Variants in NCOR2 observed in about 807,000 individuals in gnomAD.
NCOR2 encodes the protein CTG repeat protein 26.
NCOR2 carries 81 observed loss-of-function variants against 262.9 expected under a neutral mutation model. That is an observed-to-expected ratio of 0.31 (90% CI 0.26 to 0.37). The LOEUF (loss-of-function observed/expected upper bound fraction) is 0.37. Among genes scored for constraint, NCOR2 ranks in the 10% least tolerant of loss-of-function variants. NCOR2 has a pLI of 1.00. For synonymous variants in NCOR2, 1,659 were observed against 1,559.3 expected (o/e 1.06, Z -1.51); for missense variants, 3,385 against 3,621.4 (o/e 0.93, Z 1.68).
At chr12:124,373,664 CAT>C (rs2039727403) in intron 19 of NCOR2, among the ~76,000 whole-genome samples, 1 of 111,282 alleles carries the variant, frequency 9.0e-6, no homozygotes, top group Non-Finnish European at 1.8e-5. Context: ...AGTGGACAAT[CAT>C]GAGGCCAGTG....
At chr12:124,495,584 C>T (rs547834780), upstream of NCOR2, among the ~76,000 whole-genome samples, 230 of 152,250 alleles carry the variant, frequency 1.5e-3, no homozygotes, top group Non-Finnish European at 2.9e-3. The surrounding 1 kb of genome is among the most constrained non-coding windows in gnomAD (Gnocchi z 4.4). Context: ...ATGCAAGCCA[C>T]GCAAGGGACC....
chr12:124,445,463 TGCGGCAGGA>T (rs1166941936), intron 7 of NCOR2, among the ~76,000 whole-genome samples: 1 of 152,172 alleles, frequency 6.6e-6, no homozygotes, highest in African/African-American at 2.4e-5. Context: ...AAATCGTCTG[TGCGGCAGGA>T]AGTCAAGCGT....
In NCOR2 at chr12:124,362,431, G is replaced by A. The variant is rs1235889826; in HGVS notation, c.2929-134C>T. On this transcript the variant is annotated intron_variant, in intron 21 of 46. Transcript: ENST00000405201. The stretch of plus-strand genomic sequence containing the variant: ...GCGACATGCTCAAGGTCCCAGGTGC[G>A]GCAAGAAAGGGAGGTCTTAGCACAG... 6 of 767,664 alleles carry A rather than the reference G, an allele frequency of 7.8e-6. No homozygotes were observed. The East Asian group carries it at 8.4e-5, about 11-fold the overall frequency. The allele number at this position is 767,664 out of a possible 1,614,324, so 47.6% of individuals were successfully genotyped here. A position where few individuals can be genotyped will look rare whatever the true frequency, so the allele number is the denominator to read the frequency against.
chr12:124,331,117 C>T (rs923001936), intron 43 of NCOR2, among the ~76,000 whole-genome samples: 1 of 148,792 alleles, frequency 6.7e-6, no homozygotes, highest in South Asian at 2.1e-4. Flanking sequence ...GGCTGGAGTG[C>T]AGTTGTGCAA....
chr12:124,500,023 G>T (rs1345627707), upstream of NCOR2, among the ~76,000 whole-genome samples: 19 of 152,272 alleles, frequency 1.2e-4, no homozygotes, highest in Admixed American at 1.1e-3. Context: ...CCCGCTGCGA[G>T]GACCCTGTGC....
At chr12:124,366,054 C>G (rs2135988448) in intron 20 of NCOR2, among the ~76,000 whole-genome samples, 1 of 152,282 alleles carries the variant, frequency 6.6e-6, no homozygotes, top group Non-Finnish European at 1.5e-5. Context: ...TCGGTGAGCC[C>G]TCATTGCCCT....
intron 23 of NCOR2, among the ~76,000 whole-genome samples, chr12:124,356,321 T>G (rs2037951384): frequency 6.6e-6 from 1 of 152,238 alleles, no homozygotes; most frequent in African/African-American, 2.4e-5. Context: ...GTAGCGCCTC[T>G]GCTCCCTCCC....
Position 124,378,330 on chromosome 12 carries a change from C to T in NCOR2, c.2074G>A (p.Glu692Lys), listed in dbSNP as rs750121527. The change falls in exon 18 of 47, where the codon GAG becomes AAG. Residue 692 changes from glutamate (E) to lysine (K), a missense_variant. By Grantham distance (56) the Glu-to-Lys change is moderately conservative. Coordinates refer to ENST00000405201, the Ensembl canonical transcript of NCOR2. This position sits in a 1 kb window ranked among gnomAD's most constrained non-coding sequence, Gnocchi z 4.2. ...ACCACGGGCGGGAATGCAGCCTCCT[C>T]GCTGGCCGCCGCCGGCGCTTTCTTC... 9 of 1,613,842 alleles carry T rather than the reference C, an allele frequency of 5.6e-6. No homozygotes were observed. The highest frequency in any genetic ancestry group is 4.0e-5 in the African/African-American group (3 of 74,934).
rs755221894 is a variant in NCOR2, at chr12:124,340,367, G to C, written c.5415C>G (p.Asp1805Glu). 10 of 1,613,016 alleles carry C rather than the reference G, an allele frequency of 6.2e-6. No homozygotes were observed. In the South Asian group the frequency reaches 1.1e-4, roughly 18 times the overall value. The change falls in exon 36 of 47, where the codon GAC becomes GAG. Residue 1805 changes from aspartate (D) to glutamate (E), a missense_variant. Asp to Glu is a conservative substitution (Grantham distance 45). Coordinates refer to ENST00000405201, the Ensembl canonical transcript of NCOR2. ...TGGACTTTTCCCGCTCCCGATCCCG[G>C]TCCCGCTCTCGATCCCGGTCTCGCT... is the stretch of plus-strand genomic sequence containing the variant.
intron 16 of NCOR2, among the ~76,000 whole-genome samples, chr12:124,394,675 C>A (rs749529752): frequency 6.6e-6 from 1 of 152,186 alleles, no homozygotes; most frequent in Non-Finnish European, 1.5e-5. Context: ...TGCAGGCAGG[C>A]GCCAGGGGCT....
chr12:124,521,881 G>A (rs1182617186), intron 1 of NCOR2, among the ~76,000 whole-genome samples: 1 of 152,178 alleles, frequency 6.6e-6, no homozygotes, highest in Non-Finnish European at 1.5e-5. Flanking sequence ...AGTCAGGTGT[G>A]GTGGCGCATA....
In NCOR2 at chr12:124,440,995, G is replaced by C. The variant is rs2136439254; in HGVS notation, c.816-2999C>G. Reference sequence around the variant, plus strand: ...GGAGGGGCAGAGAGGACGGAGGAGGGGCTGTGAGCAAGACTGGCAGGGCCA... The same window carrying C: ...GGAGGGGCAGAGAGGACGGAGGAGGCGCTGTGAGCAAGACTGGCAGGGCCA... On this transcript the variant is annotated intron_variant, in intron 7 of 46. Transcript: ENST00000405201. This position sits in a 1 kb window ranked among gnomAD's most constrained non-coding sequence, Gnocchi z 5.7. Among the ~76,000 whole-genome samples the C allele has an allele frequency of 6.6e-6, 1 of 152,266 alleles. No homozygotes were observed. Among genetic ancestry groups the C allele is most frequent in the South Asian group, 2.1e-4 (1 of 4,824 alleles).
At chr12:124,362,150 G>C (rs2038641750) in exon 22 of NCOR2, 1 of 1,303,518 alleles carries the variant, frequency 7.7e-7, no homozygotes, top group Non-Finnish European at 9.7e-7. Context: ...GGGGGTGCCG[G>C]GCTCCTGCTC....
chr12:124,485,640 C>A (rs1229971884), intron 2 of NCOR2, among the ~76,000 whole-genome samples: 2 of 152,212 alleles, frequency 1.3e-5, no homozygotes, highest in African/African-American at 2.4e-5. Flanking sequence ...CAGACGCCTG[C>A]GCCCACCTGA....
rs377312434 is a variant in NCOR2, at chr12:124,440,418, C to G, written c.816-2422G>C. 6.6e-6 allele frequency among the ~76,000 whole-genome samples: 1 copy of G among 152,152 alleles called. No homozygotes were observed. The highest frequency in any genetic ancestry group is 1.5e-5 in the Non-Finnish European group (1 of 68,016). ...GCCTCCCCACCTTCCATCAGTCTGG[C>G]CGCCGCCCCCCGGCCAGGGTGGGCC... is the stretch of plus-strand genomic sequence containing the variant. On this transcript the variant is annotated intron_variant, in intron 7 of 46. Transcript: ENST00000405201. The surrounding 1 kb of genome is among the most constrained non-coding windows in gnomAD (Gnocchi z 5.7).
rs141177479 is a variant in NCOR2, at chr12:124,349,652, G to A, written c.3844+935C>T. 6.6e-5 allele frequency among the ~76,000 whole-genome samples: 10 copies of A among 152,226 alleles called. No homozygotes were observed. The East Asian group carries it at 9.7e-4, about 15-fold the overall frequency. On this transcript the variant is annotated intron_variant, in intron 28 of 46. Coordinates refer to ENST00000405201, the Ensembl canonical transcript of NCOR2. ...TGCCTACCTGGCCCAGGGAGCAGAC[G>A]AGAGTTTAAAGGCCCCGACTGAAAC...
chr12:124,340,722 G>C, exon 35 of NCOR2: 3 of 1,546,432 alleles, frequency 1.9e-6, no homozygotes, highest in Non-Finnish European at 8.6e-7. Flanking sequence ...AGCACAGGCA[G>C]GTGTGGCACT....
chr12:124,537,234 G>A (rs1034671120), upstream of NCOR2, among the ~76,000 whole-genome samples: 4 of 152,236 alleles, frequency 2.6e-5, no homozygotes, highest in Non-Finnish European at 5.9e-5. Context: ...TCGCTAATCT[G>A]CACTGAGGGG....
intron 7 of NCOR2, among the ~76,000 whole-genome samples, chr12:124,445,918 T>C (rs1233768605): frequency 3.3e-5 from 5 of 152,228 alleles, no homozygotes; most frequent in Non-Finnish European, 7.3e-5. Context: ...TGAGCACGTC[T>C]GAAACTGAGC....
Sources: allele counts gnomAD v4.1 joint callset (sites outside exome capture counted in the v4.1 genomes callset), GRCh38; gene constraint gnomAD v4.1.1; non-coding constraint Gnocchi (gnomAD v3.1); transcripts MANE v1.5; gene names NCBI Gene and HGNC (gene_info 2026-07-23, HGNC 2026-07-21).